The following NDFIP2 variants were observed in gnomAD, a reference collection of about 807,000 sequenced individuals.
NDFIP2 encodes the protein NEDD4 family-interacting protein 2.
NDFIP2 carries 19 observed loss-of-function variants against 36.0 expected under a neutral mutation model. The observed-to-expected ratio is 0.53, with a 90% CI of 0.37 to 0.77. NDFIP2 has a LOEUF of 0.77. NDFIP2 is among the 30% of genes least tolerant of loss of function. NDFIP2 has a pLI of 0.00. For missense variants in NDFIP2, 446 were observed against 435.8 expected, an observed-to-expected ratio of 1.02 and a Z score of -0.21; for synonymous variants, 181 against 167.7, an observed-to-expected ratio of 1.08 and a Z score of -0.61.
At position 79,520,887 on chromosome 13, in the gene NDFIP2, G is replaced by T. The variant is rs1874548857; in HGVS notation, c.399G>T (p.Val133=). The T allele has an allele frequency of 6.2e-7, 1 of 1,613,824 alleles. No individual in the cohort carries two copies. Among genetic ancestry groups the T allele is most frequent in the South Asian group, 1.1e-5 (1 of 91,062 alleles). ...PPTSNPAPQI[V]QAASSAPALE... is the part of the protein sequence containing the mutation. ...CTTCAAACCCAGCACCGCAGATTGT[G>T]CAGGCTGCGTCTTCAGCACCAGCAC... is the stretch of plus-strand genomic sequence containing the variant. The change falls in exon 2 of 8, where the codon GTG becomes GTT. Residue 133 remains valine, a synonymous_variant. Transcript: ENST00000218652.
intron 6 of NDFIP2, among the ~76,000 whole-genome samples, chr13:79,548,611 G>T (rs965494017): frequency 1.3e-5 from 2 of 152,008 alleles, no homozygotes; most frequent in Non-Finnish European, 2.9e-5. Flanking sequence ...TCAGTGGCGG[G>T]ATGATAATTG....
At chr13:79,545,357 T>G (rs1241421878) in intron 5 of NDFIP2, among the ~76,000 whole-genome samples, 1 of 152,212 alleles carries the variant, frequency 6.6e-6, no homozygotes, top group Non-Finnish European at 1.5e-5. Flanking sequence ...TATCTAGTTA[T>G]CACCTCTAGT....
chr13:79,496,959 G>C (rs2140739715), intron 1 of NDFIP2, among the ~76,000 whole-genome samples: 1 of 152,018 alleles, frequency 6.6e-6, no homozygotes. Context: ...CTGAAACGTA[G>C]TTGTAATAGT....
intron 2 of NDFIP2, among the ~76,000 whole-genome samples, chr13:79,526,550 A>G (rs1454001866): frequency 1.3e-5 from 2 of 152,176 alleles, no homozygotes; most frequent in South Asian, 4.1e-4. Context: ...ACAAAAGAGA[A>G]GCTGGAGAGT....
At chr13:79,503,055 A>G (rs753486883) in intron 1 of NDFIP2, among the ~76,000 whole-genome samples, 3 of 152,166 alleles carry the variant, frequency 2.0e-5, no homozygotes, top group Non-Finnish European at 4.4e-5. Flanking sequence ...AGTGAAGAAC[A>G]TAAGTTAGGA....
chr13:79,503,928 T>A (rs2140747375), intron 1 of NDFIP2, among the ~76,000 whole-genome samples: 1 of 152,284 alleles, frequency 6.6e-6, no homozygotes, highest in Non-Finnish European at 1.5e-5. Flanking sequence ...AAAATTTTCC[T>A]TGTCTTCTTG....
chr13:79,551,117 G>C lies in NDFIP2; in HGVS notation c.1008G>C (p.Leu336Phe). 1 of 1,576,624 alleles carries C rather than the reference G, an allele frequency of 6.3e-7. No homozygotes were observed. Among genetic ancestry groups the C allele is most frequent in the Non-Finnish European group, 8.7e-7 (1 of 1,155,188 alleles). Residue 336 changes from leucine (L) to phenylalanine (F), a missense_variant, in exon 7 of 8, where the codon TTG (leucine) becomes TTC (phenylalanine). By Grantham distance (22) the Leu-to-Phe change is conservative. Transcript: ENST00000218652. ...AAHRTRYFFLL is the reference protein window; with the variant it reads ...AAHRTRYFFLF Reference sequence around the variant, plus strand: ...ATAGAACAAGGTATTTCTTCTTATTGTAGAGGTAAGAAATATTAATCTGTG... The same window carrying C: ...ATAGAACAAGGTATTTCTTCTTATTCTAGAGGTAAGAAATATTAATCTGTG...
intron 5 of NDFIP2, among the ~76,000 whole-genome samples, chr13:79,545,665 G>T (rs1199945167): frequency 1.3e-5 from 2 of 152,166 alleles, no homozygotes; most frequent in African/African-American, 4.8e-5. Context: ...CTCTGATGCT[G>T]GTGATGATCT....
At chr13:79,527,959 T>C (rs995877280) in intron 2 of NDFIP2, among the ~76,000 whole-genome samples, 3 of 152,114 alleles carry the variant, frequency 2.0e-5, no homozygotes, top group African/African-American at 7.2e-5. Context: ...CGTGTTTGTG[T>C]TGCAGTTTTT....
chr13:79,491,148 G>A (rs748596723), intron 1 of NDFIP2, among the ~76,000 whole-genome samples: 1 of 151,922 alleles, frequency 6.6e-6, no homozygotes, highest in Non-Finnish European at 1.5e-5. Context: ...AAGCCTCATG[G>A]TGGTAGAGAG....
chr13:79,483,424 A>G (rs895231095), intron 1 of NDFIP2, among the ~76,000 whole-genome samples: 2 of 152,174 alleles, frequency 1.3e-5, no homozygotes, highest in East Asian at 1.9e-4. Context: ...TTTTCAATAG[A>G]CTTTTTAAAC....
At chr13:79,491,225 A>G (rs1375887837) in intron 1 of NDFIP2, among the ~76,000 whole-genome samples, 1 of 152,166 alleles carries the variant, frequency 6.6e-6, no homozygotes, top group African/African-American at 2.4e-5. Flanking sequence ...GACTTTCAGT[A>G]TTTGATAAAG....
chr13:79,522,373 G>A (rs1874620551), intron 2 of NDFIP2, among the ~76,000 whole-genome samples: 1 of 152,124 alleles, frequency 6.6e-6, no homozygotes. Flanking sequence ...TAATTTTGAA[G>A]AAAGAAAATG....
chr13:79,532,255 C>T (rs758147454), intron 2 of NDFIP2, among the ~76,000 whole-genome samples: 2 of 152,156 alleles, frequency 1.3e-5, no homozygotes, highest in African/African-American at 2.4e-5. Context: ...GAATTGCCGC[C>T]GCAAACCTTC....
At position 79,533,363 on chromosome 13, in the gene NDFIP2, C is replaced by G; in HGVS notation, c.528C>G (p.Pro176=). The change falls in exon 3 of 8, where the codon CCC becomes CCG. Residue 176 remains proline, a synonymous_variant. Transcript: ENST00000218652. ...GTGAGTTTTATCCCGTGCCACCTCC[C>G]TATAGCGTTGCTACCTCTCTTCCTA... is the stretch of plus-strand genomic sequence containing the variant. The part of the protein sequence containing the change: ...VYGEFYPVPP[P]YSVATSLPTY... 6.2e-7 allele frequency: 1 copy of G among 1,611,882 alleles called. No individual in the cohort carries two copies. Among genetic ancestry groups the G allele is most frequent in the Admixed American group, 1.7e-5 (1 of 59,780 alleles).
At chr13:79,526,871 T>C (rs1399892839) in intron 2 of NDFIP2, among the ~76,000 whole-genome samples, 2 of 152,212 alleles carry the variant, frequency 1.3e-5, no homozygotes, top group African/African-American at 4.8e-5. Flanking sequence ...ATCACATCTG[T>C]AAAAATGAGG....
At chr13:79,521,087 T>TAAA in intron 2 of NDFIP2, 112 bp downstream of exon 2, 3 of 845,280 alleles carry the variant, frequency 3.5e-6, no homozygotes, top group Non-Finnish European at 5.4e-6. Flanking sequence ...CACATGGATA[T>TAAA]TTATATATGT....
intron 1 of NDFIP2, among the ~76,000 whole-genome samples, chr13:79,499,106 A>G (rs1440729469): frequency 6.6e-6 from 1 of 152,034 alleles, no homozygotes; most frequent in Non-Finnish European, 1.5e-5. Context: ...AGATTCAAAA[A>G]TTAATTAATG....
intron 6 of NDFIP2, among the ~76,000 whole-genome samples, chr13:79,549,849 A>C (rs987284): frequency 0.59 from 89,787 of 151,594 alleles, 27,435 homozygotes; most frequent in African/African-American, 0.72. Flanking sequence ...GAGTCCCAAA[A>C]GGAGGGAGTT....
Sources: gnomAD v4.1 joint callset for allele counts (sites outside exome capture counted in the v4.1 genomes callset) on GRCh38, gnomAD v4.1.1 for gene constraint, MANE v1.5 for transcripts, NCBI Gene and HGNC (gene_info 2026-07-23, HGNC 2026-07-21) for gene names.